Variants in CRIM1 observed in about 807,000 individuals in gnomAD.
CRIM1 encodes cysteine rich transmembrane BMP regulator 1.
CRIM1 carries 32 observed loss-of-function variants against 116.4 expected under a neutral mutation model. The ratio of observed to expected loss-of-function variants is 0.27; its 90% confidence interval spans 0.21 to 0.37. The LOEUF is 0.37. CRIM1 is among the 10% of genes least tolerant of loss of function. CRIM1 has a pLI of 1.00. For synonymous variants in CRIM1, 590 were observed against 509.2 expected (o/e 1.16, Z -2.13); for missense variants, 1,331 against 1,354.8 (o/e 0.98, Z 0.28).
chr2:36,478,987 A>G (rs1277341268), intron 6 of CRIM1, among the ~76,000 whole-genome samples: 2 of 152,188 alleles, frequency 1.3e-5, no homozygotes. Context: ...TAGCCTTGTC[A>G]TGAACAAGTC....
At chr2:36,393,517 T>G (rs1671781804) in intron 1 of CRIM1, among the ~76,000 whole-genome samples, 1 of 152,062 alleles carries the variant, frequency 6.6e-6, no homozygotes, top group South Asian at 2.1e-4. Flanking sequence ...TATATACATG[T>G]GTGTATATAT....
intron 7 of CRIM1, among the ~76,000 whole-genome samples, chr2:36,485,666 C>T (rs555606058): frequency 7.8e-4 from 118 of 152,210 alleles, no homozygotes; most frequent in African/African-American, 2.8e-3. Flanking sequence ...TTTTGTGGCA[C>T]GGAGTCAAAC....
At chr2:36,379,410 G>C (rs1199839551) in intron 1 of CRIM1, among the ~76,000 whole-genome samples, 1 of 152,180 alleles carries the variant, frequency 6.6e-6, no homozygotes, top group Non-Finnish European at 1.5e-5. Flanking sequence ...CAGGACATCT[G>C]ATTTATGAGC....
At chr2:36,511,454 T>C (rs1288770791) in intron 9 of CRIM1, among the ~76,000 whole-genome samples, 1 of 152,204 alleles carries the variant, frequency 6.6e-6, no homozygotes, top group African/African-American at 2.4e-5. Context: ...GAATATGATG[T>C]CAATAAGAGT....
At chr2:36,458,296 G>C (rs960523426) in intron 4 of CRIM1, among the ~76,000 whole-genome samples, 4 of 152,136 alleles carry the variant, frequency 2.6e-5, no homozygotes, top group African/African-American at 9.7e-5. Context: ...CTGGGGTGAC[G>C]GGGCGAGGCA....
At chr2:36,432,915 G>A (rs1275534155) in intron 2 of CRIM1, among the ~76,000 whole-genome samples, 5 of 152,096 alleles carry the variant, frequency 3.3e-5, no homozygotes, top group African/African-American at 1.2e-4. Flanking sequence ...ATGGGCAGCC[G>A]AGGTTGACAG....
chr2:36,402,054 G>A (rs748764937), intron 2 of CRIM1, among the ~76,000 whole-genome samples: 1 of 152,138 alleles, frequency 6.6e-6, no homozygotes, highest in Non-Finnish European at 1.5e-5. Context: ...TTTTATACAG[G>A]GCTGAAGGTC....
chr2:36,442,589 G>A (rs757136116), intron 3 of CRIM1, 26 bp from the exon 4 acceptor site: 53 of 1,613,704 alleles, frequency 3.3e-5, no homozygotes, highest in Non-Finnish European at 4.3e-5. Context: ...AACAATAAAC[G>A]GTGCCTCTCT....
At chr2:36,443,776 T>A (rs923168151) in intron 4 of CRIM1, among the ~76,000 whole-genome samples, 3 of 152,260 alleles carry the variant, frequency 2.0e-5, no homozygotes, top group African/African-American at 4.8e-5. Flanking sequence ...TTTGTTCTGA[T>A]AATTACTTTT....
chr2:36,471,262 C>T (rs1678491584), intron 5 of CRIM1, among the ~76,000 whole-genome samples: 1 of 152,170 alleles, frequency 6.6e-6, no homozygotes, highest in Non-Finnish European at 1.5e-5. Context: ...GATAAAGCAA[C>T]AGCAGGGTTT....
intron 9 of CRIM1, among the ~76,000 whole-genome samples, chr2:36,511,325 T>G (rs1664660623): frequency 6.6e-6 from 1 of 152,172 alleles, no homozygotes; most frequent in African/African-American, 2.4e-5. Context: ...CATTTAAAAA[T>G]TCTAGGTTTG....
Position 36,459,106 on chromosome 2 carries a change from G to A in CRIM1, c.870-5428G>A, listed in dbSNP as rs568841628. On this transcript the variant is annotated intron_variant, in intron 4 of 16. Transcript: ENST00000280527. ...TTTGCTTTTTTGTTTTTTTTTAGTG[G>A]AAAGTACAAATTAAACTGTGACCAC... 1.6e-4 allele frequency among the ~76,000 whole-genome samples: 25 copies of A among 151,982 alleles called. No homozygotes were observed. The South Asian group carries it at 5.0e-3, about 30-fold the overall frequency.
At chr2:36,439,421 T>C (rs1275707676) in intron 2 of CRIM1, among the ~76,000 whole-genome samples, 3 of 152,214 alleles carry the variant, frequency 2.0e-5, no homozygotes, top group African/African-American at 7.2e-5. Context: ...TCTCTTCCTC[T>C]TTCTATATAA....
chr2:36,398,285 C>A (rs1672177629), intron 2 of CRIM1, among the ~76,000 whole-genome samples: 1 of 152,156 alleles, frequency 6.6e-6, no homozygotes, highest in South Asian at 2.1e-4. Flanking sequence ...GGCCCCCTTC[C>A]AGGTCATTTA....
chr2:36,400,648 A>C (rs1287963828), intron 2 of CRIM1, among the ~76,000 whole-genome samples: 1 of 152,228 alleles, frequency 6.6e-6, no homozygotes, highest in Non-Finnish European at 1.5e-5. Flanking sequence ...CCATTTGAGA[A>C]GACTTCAAGG....
intron 4 of CRIM1, among the ~76,000 whole-genome samples, chr2:36,452,720 C>G (rs567222219): frequency 9.2e-5 from 14 of 152,154 alleles, no homozygotes; most frequent in Admixed American, 8.5e-4. Context: ...GACCTAGTGT[C>G]TAGCCTTATT....
intron 2 of CRIM1, among the ~76,000 whole-genome samples, chr2:36,399,897 T>C (rs1000087807): frequency 1.3e-5 from 2 of 152,158 alleles, no homozygotes; most frequent in East Asian, 3.9e-4. Context: ...AGAGGACAAA[T>C]GAATTAACTA....
chr2:36,471,970 A>G (rs889984686), intron 5 of CRIM1, among the ~76,000 whole-genome samples: 5 of 152,300 alleles, frequency 3.3e-5, no homozygotes, highest in Admixed American at 6.5e-5. Context: ...ACCATCCACC[A>G]ATCAGTGTAG....
intron 12 of CRIM1, among the ~76,000 whole-genome samples, chr2:36,521,356 A>G (rs1229852630): frequency 6.6e-6 from 1 of 152,126 alleles, no homozygotes; most frequent in Non-Finnish European, 1.5e-5. Context: ...GAACATTGGA[A>G]TGTTGCATTT....
Sources: gnomAD v4.1 joint callset for allele counts (sites outside exome capture counted in the v4.1 genomes callset) on GRCh38, gnomAD v4.1.1 for gene constraint, MANE v1.5 for transcripts, NCBI Gene and HGNC (gene_info 2026-07-23, HGNC 2026-07-21) for gene names.